TMEM132C: variants seen among roughly 807,000 people sequenced by gnomAD.
TMEM132C encodes the protein transmembrane protein 132C, also known as protein phosphatase 1, regulatory subunit 152.
In TMEM132C, 29 loss-of-function variants were observed where a neutral mutation model predicts 61.4. The observed-to-expected ratio is 0.47, with a 90% CI of 0.35 to 0.64. The LOEUF is 0.64. TMEM132C is among the 30% of genes least tolerant of loss of function. The probability of loss-of-function intolerance (pLI) is 0.00; values close to 1 mark genes in which losing one functional copy is unlikely to be tolerated. For synonymous variants in TMEM132C, 656 were observed against 633.1 expected, an observed-to-expected ratio of 1.04 and a Z score of -0.54; for missense variants, 1,408 against 1,476.9, an observed-to-expected ratio of 0.95 and a Z score of 0.76.
chr12:128,456,012 C>G (rs1427612111), intron 2 of TMEM132C, among the ~76,000 whole-genome samples: 1 of 152,176 alleles, frequency 6.6e-6, no homozygotes, highest in East Asian at 1.9e-4. Context: ...ATGGCAAATA[C>G]GTCAGCTTTG....
intron 8 of TMEM132C, 89 bp downstream of exon 8, chr12:128,697,504 G>A (rs2135656942): frequency 7.5e-7 from 1 of 1,328,796 alleles, no homozygotes; most frequent in Non-Finnish European, 1.0e-6. Flanking sequence ...TGAGAAATGG[G>A]GGCAGGTTAG....
At chr12:128,642,255 C>T (rs1954163508) in intron 4 of TMEM132C, among the ~76,000 whole-genome samples, 1 of 152,048 alleles carries the variant, frequency 6.6e-6, no homozygotes, top group South Asian at 2.1e-4. Flanking sequence ...CCTCAGCCTC[C>T]CAAGTAGCTG....
chr12:128,542,704 C>CA (rs1329395403), intron 2 of TMEM132C, among the ~76,000 whole-genome samples: 3 of 139,820 alleles, frequency 2.1e-5, no homozygotes, highest in African/African-American at 7.7e-5. Context: ...TACTAAAATA[C>CA]AAAAAAAGTA....
intron 2 of TMEM132C, among the ~76,000 whole-genome samples, chr12:128,456,843 C>T (rs1360880434): frequency 6.6e-6 from 1 of 152,218 alleles, no homozygotes; most frequent in Non-Finnish European, 1.5e-5. Flanking sequence ...GAAGCAACCA[C>T]TGTCCTGATT....
In TMEM132C at chr12:128,529,058, G is replaced by A. The variant is rs138909644; in HGVS notation, c.975-14899G>A. On this transcript the variant is annotated intron_variant, in intron 2 of 8. Transcript: ENST00000435159. ...TCAGTATTCCTAACAGGCAGATATCGTCTCGCCTTGCCCTGTATAACACTC... is the reference window on the plus strand; with the variant it reads ...TCAGTATTCCTAACAGGCAGATATCATCTCGCCTTGCCCTGTATAACACTC... Among the ~76,000 whole-genome samples, 580 of 152,102 alleles carry A rather than the reference G, an allele frequency of 3.8e-3. 4 individuals carry two copies. The highest frequency in any genetic ancestry group is 0.013 in the African/African-American group (542 of 41,502).
intron 1 of TMEM132C, among the ~76,000 whole-genome samples, chr12:128,381,605 T>C (rs943632457): frequency 6.6e-6 from 1 of 152,046 alleles, no homozygotes; most frequent in African/African-American, 2.4e-5. Flanking sequence ...AGGGAGTGGC[T>C]CCTAGGGTCT....
chr12:128,490,028 C>T (rs1426990413), intron 2 of TMEM132C, among the ~76,000 whole-genome samples: 1 of 152,178 alleles, frequency 6.6e-6, no homozygotes, highest in Non-Finnish European at 1.5e-5. Context: ...TGGACATTCA[C>T]ATTTCAGCCG....
At position 128,267,306 on chromosome 12, in the gene TMEM132C, G is replaced by T; in HGVS notation, c.-97G>T. ...CGCAGCGGGCCCGGCCGACCGGGCT[G>T]CGGGAGTGGCCCCGGGCATGGGGCG... is the stretch of plus-strand genomic sequence containing the variant. On this transcript the variant is annotated 5_prime_UTR_variant, in exon 1 of 9. Coordinates refer to ENST00000435159, the MANE Select transcript of TMEM132C (RefSeq NM_001136103.3). The T allele has an allele frequency of 1.3e-6, 1 of 789,202 alleles. No individual in the cohort carries two copies. The highest frequency in any genetic ancestry group is 1.5e-6 in the Non-Finnish European group (1 of 652,232). 48.9% of individuals were successfully genotyped at this position (789,202 alleles called of 1,614,324 possible).
Position 128,420,353 on chromosome 12 carries a change from G to A in TMEM132C, c.974+4733G>A, listed in dbSNP as rs182105811. On this transcript the variant is annotated intron_variant, in intron 2 of 8. Transcript: ENST00000435159. ...GTTGAAAAAGTGGCATTTGAATCAA[G>A]CATGGTCTTGGCAGGGAAACACGTG... is the stretch of plus-strand genomic sequence containing the variant. Among the ~76,000 whole-genome samples, 301 of 152,330 alleles carry A rather than the reference G, an allele frequency of 2.0e-3. 1 individual carries two copies. Among genetic ancestry groups the A allele is most frequent in the African/African-American group, 6.8e-3 (281 of 41,578 alleles).
At chr12:128,402,405 T>C (rs1612234) in intron 1 of TMEM132C, among the ~76,000 whole-genome samples, 151,881 of 152,294 alleles carry the variant, frequency 1, 75,736 homozygotes, top group Middle Eastern at 1. Flanking sequence ...CCACCCTCCA[T>C]CCTCCGTTAG....
intron 2 of TMEM132C, among the ~76,000 whole-genome samples, chr12:128,503,205 G>A (rs1445803930): frequency 6.6e-6 from 1 of 152,224 alleles, no homozygotes; most frequent in Non-Finnish European, 1.5e-5. Context: ...ATACAGCAGA[G>A]TCTGTCACAT....
At chr12:128,286,922 G>A (rs2135904573) in intron 1 of TMEM132C, among the ~76,000 whole-genome samples, 1 of 152,286 alleles carries the variant, frequency 6.6e-6, no homozygotes, top group East Asian at 1.9e-4. Context: ...GAGTAAAGAT[G>A]TTGGTCAAGA....
intron 4 of TMEM132C, among the ~76,000 whole-genome samples, chr12:128,641,080 C>T (rs773762760): frequency 8.5e-5 from 13 of 152,114 alleles, no homozygotes; most frequent in Non-Finnish European, 1.8e-4. Flanking sequence ...TGCAATAGCC[C>T]GTGGTTGGAA....
intron 1 of TMEM132C, among the ~76,000 whole-genome samples, chr12:128,282,264 A>G (rs1390854655): frequency 6.6e-6 from 1 of 152,202 alleles, no homozygotes; most frequent in Non-Finnish European, 1.5e-5. Context: ...TTACCACACA[A>G]TACTGTTGTA....
At chr12:128,469,862 A>G (rs1593064729) in intron 2 of TMEM132C, among the ~76,000 whole-genome samples, 1 of 152,054 alleles carries the variant, frequency 6.6e-6, no homozygotes, top group South Asian at 2.1e-4. Context: ...GTATATACAC[A>G]CACCCACATA....
At chr12:128,342,479 G>A (rs1197091514) in intron 1 of TMEM132C, among the ~76,000 whole-genome samples, 7 of 152,200 alleles carry the variant, frequency 4.6e-5, no homozygotes, top group South Asian at 4.1e-4. Context: ...AAACCTGTTT[G>A]AACAGAAGAA....
intron 3 of TMEM132C, among the ~76,000 whole-genome samples, chr12:128,548,857 A>G (rs1297041659): frequency 6.6e-6 from 1 of 152,220 alleles, no homozygotes; most frequent in Non-Finnish European, 1.5e-5. Context: ...TAGCATTTAC[A>G]TTATACTAGG....
intron 1 of TMEM132C, among the ~76,000 whole-genome samples, chr12:128,383,927 A>G (rs116087159): frequency 2.8e-4 from 42 of 152,318 alleles, no homozygotes; most frequent in African/African-American, 9.9e-4. Context: ...TAAACTGTTA[A>G]GAGAACTGCA....
At chr12:128,632,439 T>C (rs1033019010) in intron 4 of TMEM132C, among the ~76,000 whole-genome samples, 3 of 152,248 alleles carry the variant, frequency 2.0e-5, no homozygotes. Context: ...CTAGTTGCTG[T>C]TATTTATGAT....
Sources: gnomAD v4.1 joint callset for allele counts (sites outside exome capture counted in the v4.1 genomes callset) on GRCh38, gnomAD v4.1.1 for gene constraint, MANE v1.5 for transcripts, NCBI Gene and HGNC (gene_info 2026-07-23, HGNC 2026-07-21) for gene names.